The following RSBN1 variants were observed in gnomAD, a reference collection of about 807,000 sequenced individuals.
The protein encoded by RSBN1 is lysine-specific demethylase 9.
RSBN1 carries 23 observed loss-of-function variants against 74.8 expected under a neutral mutation model. That is an observed-to-expected ratio of 0.31 (90% CI 0.22 to 0.44). RSBN1 has a LOEUF of 0.44. Ranked by LOEUF, RSBN1 falls within the 20% of genes least tolerant of loss-of-function variation. The pLI is 1.00. For missense variants in RSBN1, 808 were observed against 1,020.9 expected (o/e 0.79, Z 2.84); for synonymous variants, 407 against 379.6 (o/e 1.07, Z -0.84).
chr1:113,776,591 A>G (rs1660030773), intron 4 of RSBN1, among the ~76,000 whole-genome samples: 1 of 152,152 alleles, frequency 6.6e-6, no homozygotes. Flanking sequence ...GGATCATTTG[A>G]GGCCAGGAGT....
In RSBN1 at chr1:113,781,047, C is replaced by T. The variant is rs1034855025; in HGVS notation, c.1378-3239G>A. Reference sequence around the variant, plus strand: ...CCCTCTCTCATAAACACACTCTCATCCTCTATCCCAGTCCTTCCACCAGCC... The same window carrying T: ...CCCTCTCTCATAAACACACTCTCATTCTCTATCCCAGTCCTTCCACCAGCC... On this transcript the variant is annotated intron_variant, in intron 2 of 6. Coordinates refer to ENST00000261441, the MANE Select transcript of RSBN1 (RefSeq NM_018364.5). Among the ~76,000 whole-genome samples the T allele has an allele frequency of 2.6e-5, 4 of 152,236 alleles. No homozygotes were observed. In the South Asian group the frequency reaches 8.3e-4, roughly 32 times the overall value.
rs553914943 is a variant in RSBN1, at chr1:113,762,673, G to A, written c.*3307C>T. On this transcript the variant is annotated 3_prime_UTR_variant, in exon 7 of 7. Coordinates refer to ENST00000261441, the MANE Select transcript of RSBN1 (RefSeq NM_018364.5). ...ATGATTAAGAATATATTCACTAAGC[G>A]TTTTCATGGATTTGGGAGTCTTGTT... The A allele has an allele frequency of 2.0e-5, 3 of 152,696 alleles. No homozygotes were observed. Among genetic ancestry groups the A allele is most frequent in the Admixed American group, 6.5e-5 (1 of 15,276 alleles). The allele number at this position is 152,696 out of a possible 1,614,324, so 9.5% of individuals were successfully genotyped here.
At chr1:113,774,285 T>C (rs1033000977) in intron 4 of RSBN1, among the ~76,000 whole-genome samples, 1 of 152,006 alleles carries the variant, frequency 6.6e-6, no homozygotes, top group African/African-American at 2.4e-5. Context: ...AGCACACCAG[T>C]ATCATGTTTT....
In RSBN1 at chr1:113,768,241, C is replaced by T. The variant is rs1205328118; in HGVS notation, c.1807G>A (p.Ala603Thr). 6.2e-7 allele frequency: 1 copy of T among 1,610,610 alleles called. No individual in the cohort carries two copies. The highest frequency in any genetic ancestry group is 8.5e-7 in the Non-Finnish European group (1 of 1,178,404). ...QSTAAVGVLK[A>T]VQFGEWSDQP... Reference sequence around the variant, plus strand: ...ACTCACCATTCACCAAATTGTACAGCTTTCAAAACTCCAACAGCAGCCGTA... The same window carrying T: ...ACTCACCATTCACCAAATTGTACAGTTTTCAAAACTCCAACAGCAGCCGTA... Residue 603 changes from alanine (A) to threonine (T), a missense_variant, in exon 5 of 7, where the codon GCT becomes ACT. Around this residue, in one of 6 missense-constraint regions of RSBN1, gnomAD observed 18 missense variants for 16.2 expected, o/e 1.11. Transcript: ENST00000261441.
At chr1:113,810,814 A>G (rs932196158) in intron 1 of RSBN1, among the ~76,000 whole-genome samples, 23 of 152,258 alleles carry the variant, frequency 1.5e-4, no homozygotes, top group Non-Finnish European at 2.9e-4. Context: ...AAGTACAAAC[A>G]TACGGCATAA....
At chr1:113,807,826 C>A (rs920106819) in intron 1 of RSBN1, among the ~76,000 whole-genome samples, 1 of 139,818 alleles carries the variant, frequency 7.2e-6, no homozygotes, top group Non-Finnish European at 1.6e-5. Flanking sequence ...CACACACACA[C>A]AAAATTCAAT....
intron 2 of RSBN1, among the ~76,000 whole-genome samples, chr1:113,793,720 C>T (rs756117279): frequency 2.0e-5 from 3 of 150,920 alleles, no homozygotes; most frequent in East Asian, 1.9e-4. Context: ...CTTGCTCTGT[C>T]GCCCAGGCTG....
chr1:113,786,211 G>A (rs1025091756), intron 2 of RSBN1, among the ~76,000 whole-genome samples: 9 of 152,172 alleles, frequency 5.9e-5, no homozygotes, highest in Non-Finnish European at 8.8e-5. Flanking sequence ...TGACTACCAG[G>A]TTCTGTACTT....
At position 113,797,810 on chromosome 1, in the gene RSBN1, C is replaced by T; in HGVS notation, c.930G>A (p.Arg310=). The T allele has an allele frequency of 6.2e-7, 1 of 1,613,994 alleles. No homozygotes were observed. The highest frequency in any genetic ancestry group is 1.1e-5 in the South Asian group (1 of 91,076). Residue 310 remains arginine (R), a synonymous_variant, in exon 2 of 7, where the codon AGG becomes AGA. Transcript: ENST00000261441. ...GGCACAGCTGTTCATCTTTCAGATA[C>T]CTGAAGGACTCCTTATTAAGTCCTG... ...STSGLNKESF[R]YLKDEQLCRL...
rs1175843290 is a variant in RSBN1 at position 113,781,906 on chromosome 1, T to G, written c.1378-4098A>C. On this transcript the variant is annotated intron_variant, in intron 2 of 6. Coordinates refer to ENST00000261441, the MANE Select transcript of RSBN1 (RefSeq NM_018364.5). ...CTTAACCAGTATCCTTGCTTCAGGA[T>G]TCCTATCCCCAAGAGCCATCCTACA... Among the ~76,000 whole-genome samples, 8 of 152,196 alleles carry G rather than the reference T, an allele frequency of 5.3e-5. No individual in the cohort carries two copies. In the South Asian group the frequency reaches 8.3e-4, roughly 16 times the overall value.
rs747360611 is a variant in RSBN1, at chr1:113,779,646, T to G, written c.1378-1838A>C. ...TCTTTTTAAATCATTATTCTAACCT[T>G]TCTAAGCACTCTAAAACAACTAAAG... On this transcript the variant is annotated intron_variant, in intron 2 of 6. Coordinates refer to ENST00000261441, the MANE Select transcript of RSBN1 (RefSeq NM_018364.5). Among the ~76,000 whole-genome samples the G allele has an allele frequency of 3.7e-4, 57 of 152,304 alleles. 1 individual carries two copies. The Middle Eastern group carries it at 0.02, about 55-fold the overall frequency.
intron 6 of RSBN1, 35 bp from the exon 7 acceptor site, chr1:113,766,488 A>G: frequency 7.6e-7 from 1 of 1,323,318 alleles, no homozygotes; most frequent in Non-Finnish European, 1.1e-6. Context: ...AGACTTTAAA[A>G]TATGTAATAA....
intron 1 of RSBN1, among the ~76,000 whole-genome samples, chr1:113,810,414 CAA>C (rs1491100667): frequency 1.3e-5 from 2 of 150,894 alleles, no homozygotes; most frequent in South Asian, 2.1e-4. Flanking sequence ...CACACACACA[CAA>C]GAAATGAGAA....
Position 113,777,253 on chromosome 1 carries a change from T to C in RSBN1, c.1615A>G (p.Ile539Val), listed in dbSNP as rs1660050306. ...GACTTTGGCATATCTGCTGTAGGGA[T>C]CATCTGTTCTCCTGGCCTTACCCAC... The part of the protein sequence containing the change: ...IMWVRPGEQM[I>V]PTADMPKSPF... The change falls in exon 4 of 7, where the codon ATC (isoleucine) becomes GTC (valine). Residue 539 changes from isoleucine to valine, a missense_variant. Ile to Val is a conservative substitution (Grantham distance 29, BLOSUM62 3). This residue lies in a region of RSBN1 where 112 missense variants were observed against 257.3 expected (regional missense o/e 0.44). Transcript: ENST00000261441. The C allele has an allele frequency of 6.2e-7, 1 of 1,613,648 alleles. No individual in the cohort carries two copies. The highest frequency in any genetic ancestry group is 1.3e-5 in the African/African-American group (1 of 74,912).
chr1:113,773,958 G>A (rs1026963334), intron 4 of RSBN1, among the ~76,000 whole-genome samples: 1 of 152,066 alleles, frequency 6.6e-6, no homozygotes, highest in African/African-American at 2.4e-5. Flanking sequence ...AGCCGAGATC[G>A]CGCCACTGCA....
chr1:113,807,083 C>G (rs912859935), intron 1 of RSBN1, among the ~76,000 whole-genome samples: 1 of 151,876 alleles, frequency 6.6e-6, no homozygotes, highest in African/African-American at 2.4e-5. Context: ...GAGACCAAGG[C>G]GGGCGGATCA....
chr1:113,777,542 CTA>C, intron 3 of RSBN1, 127 bp downstream of exon 3: 1 of 992,134 alleles, frequency 1.0e-6, no homozygotes, highest in African/African-American at 1.6e-5. Context: ...ATTATTCTAT[CTA>C]AACATTTCTG....
At chr1:113,777,423 A>G in intron 3 of RSBN1, 71 bp from the exon 4 acceptor site, 2 of 1,475,450 alleles carry the variant, frequency 1.4e-6, no homozygotes, top group East Asian at 2.3e-5. Context: ...TCCCACCCAA[A>G]TAAAAGTTCT....
chr1:113,778,121 CTTTA>C (rs967932073), intron 2 of RSBN1, among the ~76,000 whole-genome samples: 2 of 151,862 alleles, frequency 1.3e-5, no homozygotes, highest in Non-Finnish European at 2.9e-5. Flanking sequence ...AGAGTGTGAT[CTTTA>C]TTTAAGAAAA....
Sources: allele counts gnomAD v4.1 joint callset (sites outside exome capture counted in the v4.1 genomes callset), GRCh38; gene constraint gnomAD v4.1.1; regional missense constraint gnomAD v4.1.1; transcripts MANE v1.5; gene names NCBI Gene and HGNC (gene_info 2026-07-23, HGNC 2026-07-21).